Variants in NIPBL observed in about 807,000 individuals in gnomAD.
The protein encoded by NIPBL is nipped-B-like protein.
In NIPBL, 19 loss-of-function variants were observed where a neutral mutation model predicts 321.8. That is an observed-to-expected ratio of 0.06 (90% confidence interval 0.04 to 0.09). The LOEUF (loss-of-function observed/expected upper bound fraction) is 0.09, where lower values mean the gene tolerates loss of function less well. NIPBL is among the 10% of genes least tolerant of loss of function. The pLI is 1.00. For missense variants in NIPBL, 2,210 were observed against 3,327.0 expected, an observed-to-expected ratio of 0.66 and a Z score of 8.26; for synonymous variants, 1,106 against 1,114.1, an observed-to-expected ratio of 0.99 and a Z score of 0.14.
intron 1 of NIPBL, among the ~76,000 whole-genome samples, chr5:36,884,230 A>G (rs10223124): frequency 0.042 from 6,400 of 152,068 alleles, 463 homozygotes; most frequent in African/African-American, 0.15. Context: ...TACTGTGGCT[A>G]ATATAGGTAT....
chr5:36,923,123 TG>T (rs2042898986), intron 1 of NIPBL, among the ~76,000 whole-genome samples: 1 of 152,042 alleles, frequency 6.6e-6, no homozygotes, highest in African/African-American at 2.4e-5. Flanking sequence ...ACAAAATTTT[TG>T]TAATTTTGTA....
intron 1 of NIPBL, among the ~76,000 whole-genome samples, chr5:36,939,154 C>G (rs1235131510): frequency 6.6e-6 from 1 of 152,110 alleles, no homozygotes; most frequent in African/African-American, 2.4e-5. Flanking sequence ...AGGTGCATAC[C>G]ACCACACTTG....
At chr5:36,916,044 A>G (rs1050173738) in intron 1 of NIPBL, among the ~76,000 whole-genome samples, 1 of 152,244 alleles carries the variant, frequency 6.6e-6, no homozygotes, top group African/African-American at 2.4e-5. Context: ...CTCATTGGAA[A>G]TGAACTGTCT....
At position 37,064,917 on chromosome 5, in the gene NIPBL, T is replaced by C. The variant is rs1444191607; in HGVS notation, c.*25T>C. 6.2e-7 allele frequency: 1 copy of C among 1,613,966 alleles called. No individual in the cohort carries two copies. The highest frequency in any genetic ancestry group is 1.1e-5 in the South Asian group (1 of 91,050). Reference sequence around the variant, plus strand: ...ATGAATTTGTACATGCAGCCAAATTTACAGGAATTTTTTTAAAAGGCAGAA... The same window carrying C: ...ATGAATTTGTACATGCAGCCAAATTCACAGGAATTTTTTTAAAAGGCAGAA... On this transcript the variant is annotated 3_prime_UTR_variant, in exon 47 of 47. Transcript: ENST00000282516.
chr5:36,907,216 T>C (rs1747706063), intron 1 of NIPBL, among the ~76,000 whole-genome samples: 1 of 152,222 alleles, frequency 6.6e-6, no homozygotes, highest in Non-Finnish European at 1.5e-5. Flanking sequence ...AGCAAGGTTC[T>C]AGACTGCTAA....
At chr5:37,017,940 T>C (rs1749177859) in intron 24 of NIPBL, among the ~76,000 whole-genome samples, 1 of 152,166 alleles carries the variant, frequency 6.6e-6, no homozygotes, top group Non-Finnish European at 1.5e-5. Context: ...TGTCTGTATA[T>C]GCATTTTTTT....
intron 10 of NIPBL, among the ~76,000 whole-genome samples, chr5:36,989,379 G>A (rs990016318): frequency 6.6e-6 from 1 of 152,080 alleles, no homozygotes; most frequent in African/African-American, 2.4e-5. Context: ...TTGCCTGGGA[G>A]GGGTGGAGGG....
rs1433068889 is a variant in NIPBL, at chr5:37,007,413, T to C, written c.4178T>C (p.Ile1393Thr). 3 of 1,611,730 alleles carry C rather than the reference T, an allele frequency of 1.9e-6. No homozygotes were observed. The highest frequency in any genetic ancestry group is 2.5e-6 in the Non-Finnish European group (3 of 1,178,412). Residue 1393 changes from isoleucine to threonine, a missense_variant, in exon 18 of 47, where the codon ATT becomes ACT. By Grantham distance (89) the Ile-to-Thr change is moderately conservative. Coordinates refer to ENST00000282516, the MANE Select transcript of NIPBL (RefSeq NM_133433.4). ...IVMLYNKVCD[I>T]VSSLSELLEI... ...ATGCTTTATAACAAAGTTTGTGACA[T>C]TGTTAGCAGCTTATCAGAATTGCTA...
At chr5:37,012,674 G>C (rs1403788736) in intron 21 of NIPBL, among the ~76,000 whole-genome samples, 74 of 147,634 alleles carry the variant, frequency 5.0e-4, no homozygotes, top group Non-Finnish European at 2.6e-4. Flanking sequence ...TGACTCTTAA[G>C]GAGCATGCTG....
intron 1 of NIPBL, among the ~76,000 whole-genome samples, chr5:36,932,241 G>A (rs1749829658): frequency 6.6e-6 from 1 of 152,154 alleles, no homozygotes; most frequent in Non-Finnish European, 1.5e-5. Context: ...GGAGTGTTCT[G>A]TAAACTTAAG....
At chr5:36,912,789 C>T (rs1449112332) in intron 1 of NIPBL, among the ~76,000 whole-genome samples, 3 of 152,022 alleles carry the variant, frequency 2.0e-5, no homozygotes, top group Admixed American at 6.6e-5. Flanking sequence ...TGTGAGCCAC[C>T]GCGCCCGGTG....
At position 36,985,153 on chromosome 5, in the gene NIPBL, C is replaced by T. The variant is rs999519390; in HGVS notation, c.1973C>T (p.Thr658Ile). 2 of 1,613,788 alleles carry T rather than the reference C, an allele frequency of 1.2e-6. No individual in the cohort carries two copies. Among genetic ancestry groups the T allele is most frequent in the Non-Finnish European group, 1.7e-6 (2 of 1,179,906 alleles). Reference protein sequence around the residue: ...TEELKQNESRTTECKQNESTI... With the variant: ...TEELKQNESRITECKQNESTI... Reference sequence around the variant, plus strand: ...GAACTTAAACAGAATGAGAGCAGAACAACTGAATGCAAACAAAACGAGAGC... The same window carrying T: ...GAACTTAAACAGAATGAGAGCAGAATAACTGAATGCAAACAAAACGAGAGC... Residue 658 changes from threonine (T) to isoleucine (I), a missense_variant, in exon 10 of 47, where the codon ACA becomes ATA. Coordinates refer to ENST00000282516, the MANE Select transcript of NIPBL (RefSeq NM_133433.4).
intron 9 of NIPBL, among the ~76,000 whole-genome samples, chr5:36,983,946 T>G (rs1744433846): frequency 6.6e-6 from 1 of 151,988 alleles, no homozygotes; most frequent in African/African-American, 2.4e-5. Context: ...AAGACAGGAT[T>G]CTAATTTATA....
At chr5:36,995,881 G>A (rs1746087601) in intron 11 of NIPBL, 77 bp downstream of exon 11, 10 of 1,349,280 alleles carry the variant, frequency 7.4e-6, no homozygotes, top group Non-Finnish European at 8.4e-6. Context: ...TTATAATTTG[G>A]GGGTTTAGCA....
intron 1 of NIPBL, chr5:36,886,431 C>T (rs1745911136): frequency 1.4e-6 from 1 of 740,716 alleles, no homozygotes; most frequent in Admixed American, 1.8e-5. Flanking sequence ...AAAAGACCAC[C>T]ACCCGCTGGA....
At chr5:36,937,666 C>T (rs1010615771) in intron 1 of NIPBL, among the ~76,000 whole-genome samples, 1 of 152,094 alleles carries the variant, frequency 6.6e-6, no homozygotes, top group Non-Finnish European at 1.5e-5. Context: ...TGAGGACTTA[C>T]TAGTGAAATT....
intron 33 of NIPBL, among the ~76,000 whole-genome samples, chr5:37,037,297 A>G (rs915204452): frequency 5.9e-5 from 9 of 151,402 alleles, no homozygotes; most frequent in Non-Finnish European, 1.3e-4. Context: ...CTGAGGCAGG[A>G]GAATGGCATG....
At chr5:36,942,995 T>TA (rs771795391) in intron 1 of NIPBL, among the ~76,000 whole-genome samples, 228 of 151,188 alleles carry the variant, frequency 1.5e-3, no homozygotes, top group Middle Eastern at 6.8e-3. Flanking sequence ...AATCTTTAGT[T>TA]AAAAAAAAAC....
chr5:36,898,709 C>G (rs1746972740), intron 1 of NIPBL, among the ~76,000 whole-genome samples: 1 of 152,058 alleles, frequency 6.6e-6, no homozygotes, highest in African/African-American at 2.4e-5. Flanking sequence ...TGGGGTTTCT[C>G]CATGTTGGTC....
Sources: allele counts gnomAD v4.1 joint callset (sites outside exome capture counted in the v4.1 genomes callset), GRCh38; gene constraint gnomAD v4.1.1; transcripts MANE v1.5; gene names NCBI Gene and HGNC (gene_info 2026-07-23, HGNC 2026-07-21).